The following NPEPL1 variants were observed in gnomAD, a reference collection of about 807,000 sequenced individuals.
NPEPL1 encodes aminopeptidase like 1.
Under a neutral mutation model 52.4 loss-of-function variants are expected in NPEPL1, and 45 were observed. The ratio of observed to expected loss-of-function variants is 0.86; its 90% CI spans 0.68 to 1.10. NPEPL1 has a LOEUF of 1.10. Among genes scored for constraint, NPEPL1 ranks in the 50% least tolerant of loss-of-function variants. The pLI is 0.00. For synonymous variants in NPEPL1, 360 were observed against 314.7 expected, an observed-to-expected ratio of 1.14 and a Z score of -1.52; for missense variants, 696 against 710.9, an observed-to-expected ratio of 0.98 and a Z score of 0.24.
intron 6 of NPEPL1, 72 bp from the exon 7 acceptor site, chr20:58,707,051 G>A (rs113224784): frequency 0.07 from 102,445 of 1,458,496 alleles, 4,462 homozygotes; most frequent in African/African-American, 0.2. Context: ...CCGGGTGGGG[G>A]TGGGGGGCTT....
chr20:58,699,941 C>A (rs1439354314), intron 5 of NPEPL1, among the ~76,000 whole-genome samples: 2 of 152,204 alleles, frequency 1.3e-5, no homozygotes, highest in African/African-American at 4.8e-5. Context: ...GGGGATCTTC[C>A]CCTGGTGCAG....
chr20:58,713,523 G>T lies in NPEPL1; in HGVS notation c.1105G>T (p.Ala369Ser). The T allele has an allele frequency of 1.2e-6, 2 of 1,608,556 alleles. No individual in the cohort carries two copies. The highest frequency in any genetic ancestry group is 1.7e-6 in the Non-Finnish European group (2 of 1,177,172). ...GGGGGCCGACATCATCCTGGACATG[G>T]CCACCCTGACCGGGGCTCAGGTGAG... Reference protein sequence around the residue: ...DLGADIILDMATLTGAQGIAT... With the variant: ...DLGADIILDMSTLTGAQGIAT... Residue 369 changes from alanine to serine, a missense_variant, in exon 9 of 12, where the codon GCC becomes TCC. Ala to Ser is a moderately conservative substitution (Grantham distance 99). Transcript: ENST00000356091. This position sits in a 1 kb window ranked among gnomAD's most constrained non-coding sequence, Gnocchi z 4.6.
intron 6 of NPEPL1, among the ~76,000 whole-genome samples, chr20:58,705,858 C>T (rs1460418193): frequency 6.6e-6 from 1 of 152,204 alleles, no homozygotes; most frequent in African/African-American, 2.4e-5. Flanking sequence ...TCCATTTAAA[C>T]AATCCTGTGC....
chr20:58,695,480 C>A (rs2084468692), intron 3 of NPEPL1, among the ~76,000 whole-genome samples: 1 of 152,228 alleles, frequency 6.6e-6, no homozygotes, highest in South Asian at 2.1e-4. Flanking sequence ...ACATCAGGCT[C>A]CTGTCCCCAC....
chr20:58,702,024 A>G (rs557878791), intron 6 of NPEPL1, among the ~76,000 whole-genome samples: 41 of 152,328 alleles, frequency 2.7e-4, no homozygotes, highest in African/African-American at 9.4e-4. Context: ...TGGGCTGGGA[A>G]GGACAGGGAG....
At chr20:58,700,897 G>C (rs1308928386) in intron 5 of NPEPL1, 119 bp from the exon 6 acceptor site, 1 of 1,087,216 alleles carries the variant, frequency 9.2e-7, no homozygotes, top group African/African-American at 1.7e-5. Flanking sequence ...GGGAGCACCA[G>C]GCTCAGGCAG....
chr20:58,693,643 C>T (rs1461169669), intron 1 of NPEPL1, 94 bp from the exon 2 acceptor site: 5 of 1,141,300 alleles, frequency 4.4e-6, no homozygotes, highest in Non-Finnish European at 6.3e-6. Flanking sequence ...TCCAGGACTG[C>T]AGGAGTGGTT....
intron 5 of NPEPL1, 84 bp from the exon 6 acceptor site, chr20:58,700,932 C>CGGCCCTCCAGGAGAAACACCAGG (rs2084602318): frequency 7.6e-7 from 1 of 1,317,440 alleles, no homozygotes; most frequent in African/African-American, 1.5e-5. Flanking sequence ...GAAACACCAG[C>CGGCCCTCCAGGAGAAACACCAGG]CGGCCAGAGT....
rs6100166 is a variant in NPEPL1 at position 58,693,938 on chromosome 20, G to T, written c.336+16G>T. 2 of 1,549,876 alleles carry T rather than the reference G, an allele frequency of 1.3e-6. No homozygotes were observed. Among genetic ancestry groups the T allele is most frequent in the East Asian group, 2.4e-5 (1 of 41,304 alleles). ...CTGCATTGTGGTGAGTGCTTCGAGA[G>T]GAGGCAGCCACGGTGCTCCTAGTCG... On this transcript the variant is annotated intron_variant, in intron 2 of 11. Transcript: ENST00000356091.
chr20:58,689,982 C>T (rs974763450), upstream of NPEPL1, among the ~76,000 whole-genome samples: 4 of 152,084 alleles, frequency 2.6e-5, no homozygotes, highest in African/African-American at 9.7e-5. Context: ...TTTGAAGTAT[C>T]GGATATAATG....
intron 2 of NPEPL1, 88 bp from the exon 3 acceptor site, chr20:58,694,334 G>T: frequency 7.4e-7 from 1 of 1,358,228 alleles, no homozygotes. Context: ...CCAGGGAGCT[G>T]ATGTTCCGGA....
At chr20:58,712,624 G>A (rs374509095) in intron 8 of NPEPL1, 45 bp downstream of exon 8, 72 of 1,407,070 alleles carry the variant, frequency 5.1e-5, no homozygotes, top group East Asian at 3.0e-4. Context: ...GTTGGAACTC[G>A]CGACCCTTCC....
Position 58,714,540 on chromosome 20 carries a change from T to C in NPEPL1, c.1303-20T>C, listed in dbSNP as rs777019556. The C allele has an allele frequency of 7.8e-6, 12 of 1,542,192 alleles. No individual in the cohort carries two copies. The highest frequency in any genetic ancestry group is 1.4e-5 in the African/African-American group (1 of 73,202). On this transcript the variant is annotated intron_variant, in intron 10 of 11. Coordinates refer to ENST00000356091, the MANE Select transcript of NPEPL1 (RefSeq NM_024663.4). ...CGGCCGGAGCAACCCACAGGCACTGTGTCCTCCTGGCCTCCCTAGGACCGA... is the reference window on the plus strand; with the variant it reads ...CGGCCGGAGCAACCCACAGGCACTGCGTCCTCCTGGCCTCCCTAGGACCGA...
intron 7 of NPEPL1, 81 bp from the exon 8 acceptor site, chr20:58,712,398 G>C: frequency 1.1e-6 from 1 of 879,860 alleles, no homozygotes; most frequent in Non-Finnish European, 1.9e-6. Flanking sequence ...CTGTCTGTGG[G>C]TCTGAGAACC....
At chr20:58,701,934 C>T (rs753543903) in intron 6 of NPEPL1, among the ~76,000 whole-genome samples, 2 of 152,196 alleles carry the variant, frequency 1.3e-5, no homozygotes, top group East Asian at 1.9e-4. Flanking sequence ...GTCTGCCCGC[C>T]CCAGCAAGCC....
At position 58,714,067 on chromosome 20, in the gene NPEPL1, G is replaced by A; in HGVS notation, c.1276G>A (p.Val426Met). The A allele has an allele frequency of 6.5e-7, 1 of 1,548,590 alleles. No homozygotes were observed. The highest frequency in any genetic ancestry group is 8.7e-7 in the Non-Finnish European group (1 of 1,148,098). Residue 426 changes from valine to methionine, a missense_variant, in exon 10 of 12, where the codon GTG becomes ATG. Val to Met is a conservative substitution (Grantham distance 21). Coordinates refer to ENST00000356091, the MANE Select transcript of NPEPL1 (RefSeq NM_024663.4). ...GCACTTCAGCGAGTTCACCTCAGCTGTGGCGGACATGAAGAACTCAGTGGC... is the reference window on the plus strand; with the variant it reads ...GCACTTCAGCGAGTTCACCTCAGCTATGGCGGACATGAAGAACTCAGTGGC... Reference protein sequence around the residue: ...ELHFSEFTSAVADMKNSVADR... With the variant: ...ELHFSEFTSAMADMKNSVADR...
In NPEPL1 at chr20:58,714,676, T is replaced by G. The variant is rs373762819; in HGVS notation, c.1413+6T>G. 5.1e-6 allele frequency: 8 copies of G among 1,577,248 alleles called. No individual in the cohort carries two copies. In the African/African-American group the frequency reaches 9.4e-5, roughly 19 times the overall value. The stretch of plus-strand genomic sequence containing the variant: ...TTGCTGCACCGGTGCATGCTGTGAG[T>G]GTCTCCCCTCCCCACTGGCCCTGGC... On this transcript the variant is annotated splice_donor_region_variant and intron_variant, in intron 11 of 11. Coordinates refer to ENST00000356091, the MANE Select transcript of NPEPL1 (RefSeq NM_024663.4).
chr20:58,713,783 G>A lies in NPEPL1; in HGVS notation c.1126-134G>A. On this transcript the variant is annotated intron_variant, in intron 9 of 11. Transcript: ENST00000356091. This position sits in a 1 kb window ranked among gnomAD's most constrained non-coding sequence, Gnocchi z 4.6. Reference sequence around the variant, plus strand: ...CATGGCCATGGTCCTTTCTGCCTGTGTTTTTTCTTTTTTTCTCAACCGTCT... The same window carrying A: ...CATGGCCATGGTCCTTTCTGCCTGTATTTTTTCTTTTTTTCTCAACCGTCT... 1 of 1,160,900 alleles carries A rather than the reference G, an allele frequency of 8.6e-7. No homozygotes were observed. Among genetic ancestry groups the A allele is most frequent in the South Asian group, 1.9e-5 (1 of 52,492 alleles). 71.9% of individuals were successfully genotyped at this position (1,160,900 alleles called of 1,614,324 possible).
At chr20:58,694,300 A>C (rs2084415521) in intron 2 of NPEPL1, 122 bp from the exon 3 acceptor site, 1 of 1,006,052 alleles carries the variant, frequency 9.9e-7, no homozygotes, top group Admixed American at 2.5e-5. Context: ...CTGCTGTGGG[A>C]CATCTCTGTC....
Sources: allele counts gnomAD v4.1 joint callset (sites outside exome capture counted in the v4.1 genomes callset), GRCh38; gene constraint gnomAD v4.1.1; non-coding constraint Gnocchi (gnomAD v3.1); transcripts MANE v1.5; gene names NCBI Gene and HGNC (gene_info 2026-07-23, HGNC 2026-07-21).